PRKCH: variants seen among roughly 807,000 people sequenced by gnomAD.
PRKCH encodes the protein protein kinase C eta.
In PRKCH, 28 loss-of-function variants were observed where a neutral mutation model predicts 82.5. The observed-to-expected ratio is 0.34, with a 90% CI of 0.25 to 0.47. PRKCH has a LOEUF of 0.47. PRKCH is among the 20% of genes least tolerant of loss of function. The probability of loss-of-function intolerance (pLI) is 1.00; values close to 1 mark genes in which losing one functional copy is unlikely to be tolerated. For missense variants in PRKCH, 705 were observed against 881.8 expected, an observed-to-expected ratio of 0.80 and a Z score of 2.54; for synonymous variants, 322 against 327.4, an observed-to-expected ratio of 0.98 and a Z score of 0.18.
chr14:61,494,631 A>G (rs1003282878), intron 10 of PRKCH, among the ~76,000 whole-genome samples: 2 of 152,228 alleles, frequency 1.3e-5, no homozygotes, highest in African/African-American at 4.8e-5. Context: ...GGAAATGCGA[A>G]TGCTTTTTGG....
At chr14:61,370,532 C>G (rs1023791624) in intron 1 of PRKCH, among the ~76,000 whole-genome samples, 2 of 152,056 alleles carry the variant, frequency 1.3e-5, no homozygotes, top group African/African-American at 4.8e-5. Context: ...TGTATTAAAC[C>G]TGCTCCAAAT....
chr14:61,264,788 G>A (rs2140082197), intron 1 of PRKCH, among the ~76,000 whole-genome samples: 1 of 152,292 alleles, frequency 6.6e-6, no homozygotes, highest in East Asian at 1.9e-4. Flanking sequence ...TCAAAGATCA[G>A]TGACCTTTTT....
At chr14:61,202,090 A>T (rs992365905) in intron 1 of PRKCH, among the ~76,000 whole-genome samples, 7 of 152,208 alleles carry the variant, frequency 4.6e-5, no homozygotes, top group African/African-American at 1.7e-4. Context: ...TATACATGTA[A>T]GTGGCACCAA....
intron 10 of PRKCH, chr14:61,525,207 G>A (rs2139999175): frequency 6.6e-6 from 1 of 152,350 alleles, no homozygotes; most frequent in Non-Finnish European, 1.5e-5. Context: ...GGGGACATCA[G>A]GACAGACTTC....
chr14:61,533,735 CAT>C (rs758928384), intron 12 of PRKCH, among the ~76,000 whole-genome samples: 23 of 152,348 alleles, frequency 1.5e-4, no homozygotes, highest in Admixed American at 3.9e-4. Context: ...CATGAGATAA[CAT>C]GTGTGGGTGC....
chr14:61,455,513 G>C (rs987909251), intron 7 of PRKCH, among the ~76,000 whole-genome samples: 4 of 152,186 alleles, frequency 2.6e-5, no homozygotes, highest in Non-Finnish European at 5.9e-5. Flanking sequence ...AATCCGGTCT[G>C]TCTGTCTTGT....
intron 9 of PRKCH, among the ~76,000 whole-genome samples, chr14:61,473,404 G>T (rs1594744399): frequency 1.3e-5 from 2 of 152,310 alleles, no homozygotes; most frequent in South Asian, 4.1e-4. Flanking sequence ...ACAGAGGGAG[G>T]CTAATGGCAG....
chr14:61,488,229 G>T (rs1315586251), intron 10 of PRKCH, among the ~76,000 whole-genome samples: 1 of 152,150 alleles, frequency 6.6e-6, no homozygotes, highest in South Asian at 2.1e-4. Flanking sequence ...AGGCTGAGGT[G>T]GGAGAATTGC....
chr14:61,511,341 C>T (rs2139973371), intron 10 of PRKCH, among the ~76,000 whole-genome samples: 1 of 152,192 alleles, frequency 6.6e-6, no homozygotes, highest in African/African-American at 2.4e-5. Context: ...AGAAGGCCCA[C>T]TGCAGAGCCT....
At chr14:61,257,572 A>C (rs1056258960) in intron 1 of PRKCH, among the ~76,000 whole-genome samples, 2 of 150,818 alleles carry the variant, frequency 1.3e-5, no homozygotes, top group African/African-American at 2.4e-5. Flanking sequence ...TAAGCATAAG[A>C]TCTTTCTCCC....
intron 2 of PRKCH, among the ~76,000 whole-genome samples, chr14:61,398,465 G>A (rs1035958270): frequency 6.6e-6 from 1 of 152,190 alleles, no homozygotes; most frequent in Non-Finnish European, 1.5e-5. Flanking sequence ...AAGAAATATG[G>A]TGTAAGATTT....
Position 61,391,214 on chromosome 14 carries a change from T to TC in PRKCH, c.364-10dup. 2 of 1,603,586 alleles carry TC rather than the reference T, an allele frequency of 1.2e-6. No individual in the cohort carries two copies. Among genetic ancestry groups the TC allele is most frequent in the Non-Finnish European group, 1.7e-6 (2 of 1,174,524 alleles). On this transcript the variant is annotated splice_polypyrimidine_tract_variant and intron_variant, in intron 1 of 13. Transcript: ENST00000332981. ...CTAACATATAATATACATTTTTTTT[T>TC]CTCTTTGTAGGTGGATCTCGAGCCA...
At chr14:61,495,406 C>A (rs554265583) in intron 10 of PRKCH, among the ~76,000 whole-genome samples, 4 of 152,314 alleles carry the variant, frequency 2.6e-5, no homozygotes, top group African/African-American at 9.6e-5. Context: ...TGCTCTTCTT[C>A]CCACCAAATT....
At chr14:61,374,624 C>T (rs2046406581) in intron 1 of PRKCH, among the ~76,000 whole-genome samples, 1 of 152,062 alleles carries the variant, frequency 6.6e-6, no homozygotes, top group Non-Finnish European at 1.5e-5. Context: ...GAGGCTTGCA[C>T]CCTCTGAAGC....
intron 1 of PRKCH, among the ~76,000 whole-genome samples, chr14:61,199,271 A>G (rs1291618946): frequency 2.0e-5 from 3 of 152,190 alleles, no homozygotes; most frequent in Non-Finnish European, 4.4e-5. Flanking sequence ...ATAATGTGTT[A>G]TGTACCCCCT....
At chr14:61,245,894 T>A (rs1356597250) in intron 1 of PRKCH, among the ~76,000 whole-genome samples, 4 of 152,224 alleles carry the variant, frequency 2.6e-5, no homozygotes. Flanking sequence ...TGAGCAGATC[T>A]GGGAGGATGG....
chr14:61,376,317 A>G (rs1050683018), intron 1 of PRKCH, among the ~76,000 whole-genome samples: 6 of 152,064 alleles, frequency 3.9e-5, no homozygotes, highest in African/African-American at 1.4e-4. Context: ...TTTGAACTGT[A>G]CAATTGTTCC....
intron 4 of PRKCH, among the ~76,000 whole-genome samples, chr14:61,446,435 G>T (rs1884228844): frequency 6.6e-6 from 1 of 152,186 alleles, no homozygotes; most frequent in African/African-American, 2.4e-5. Context: ...TATACACATG[G>T]TACCTGTTTC....
intron 1 of PRKCH, among the ~76,000 whole-genome samples, chr14:61,337,400 T>C (rs987309903): frequency 2.6e-5 from 4 of 152,142 alleles, no homozygotes; most frequent in African/African-American, 9.7e-5. Context: ...TTTTTTCCTA[T>C]GTGGACTCAA....
Sources: gnomAD v4.1 joint callset for allele counts (sites outside exome capture counted in the v4.1 genomes callset) on GRCh38, gnomAD v4.1.1 for gene constraint, MANE v1.5 for transcripts, NCBI Gene and HGNC (gene_info 2026-07-23, HGNC 2026-07-21) for gene names.